Variants in TLE1 observed in about 807,000 individuals in gnomAD.
TLE1 encodes transducin-like enhancer protein 1.
TLE1 carries 21 observed loss-of-function variants against 89.8 expected under a neutral mutation model. That is an observed-to-expected ratio of 0.23 (90% CI 0.17 to 0.34). TLE1 has a LOEUF of 0.34. Among genes scored for constraint, TLE1 ranks in the 10% least tolerant of loss-of-function variants. The pLI, the probability that TLE1 is intolerant of heterozygous loss-of-function variation, is 1.00. For missense variants in TLE1, 795 were observed against 1,031.2 expected (o/e 0.77, Z 3.14); for synonymous variants, 447 against 407.6 (o/e 1.10, Z -1.16).
At chr9:81,627,084 C>T (rs1422135853) in intron 8 of TLE1, among the ~76,000 whole-genome samples, 1 of 152,032 alleles carries the variant, frequency 6.6e-6, no homozygotes, top group Non-Finnish European at 1.5e-5. Context: ...AACTAAAAAG[C>T]CATTAGGTCA....
intron 6 of TLE1, among the ~76,000 whole-genome samples, chr9:81,644,433 A>G (rs1036933891): frequency 1.3e-5 from 2 of 152,216 alleles, no homozygotes; most frequent in Non-Finnish European, 2.9e-5. Flanking sequence ...TAAACCTTGA[A>G]AACATGCTAA....
At chr9:81,687,511 G>A (rs1209913122) in intron 1 of TLE1, 77 bp from the exon 2 acceptor site, 32 of 1,072,966 alleles carry the variant, frequency 3.0e-5, no homozygotes, top group Non-Finnish European at 4.2e-5. Context: ...GAGAAGGCAA[G>A]AACGGGTGGG....
chr9:81,634,960 C>A (rs925669178), intron 6 of TLE1, among the ~76,000 whole-genome samples: 4 of 152,150 alleles, frequency 2.6e-5, no homozygotes, highest in African/African-American at 9.7e-5. Flanking sequence ...GGCACTTATG[C>A]CCCCTTATTC....
At chr9:81,683,361 A>C (rs1833860327) in intron 4 of TLE1, among the ~76,000 whole-genome samples, 1 of 152,066 alleles carries the variant, frequency 6.6e-6, no homozygotes, top group African/African-American at 2.4e-5. Context: ...GCTAATGCCC[A>C]GTTTCCCCCT....
chr9:81,662,860 T>G (rs1830991205), intron 4 of TLE1, among the ~76,000 whole-genome samples: 1 of 152,052 alleles, frequency 6.6e-6, no homozygotes, highest in South Asian at 2.1e-4. Flanking sequence ...TTGTTGTTGT[T>G]GTTTTGAGAC....
chr9:81,595,310 A>G (rs943867866), intron 14 of TLE1, among the ~76,000 whole-genome samples: 6 of 152,194 alleles, frequency 3.9e-5, no homozygotes, highest in African/African-American at 1.4e-4. Flanking sequence ...GTCATAATCA[A>G]ATAGCATTTT....
intron 6 of TLE1, among the ~76,000 whole-genome samples, chr9:81,637,625 T>C (rs192584668): frequency 1.3e-4 from 19 of 150,188 alleles, no homozygotes; most frequent in African/African-American, 4.4e-4. Context: ...CATCCATTGC[T>C]TGGCTACAAT....
intron 4 of TLE1, among the ~76,000 whole-genome samples, chr9:81,661,589 C>T (rs1024514324): frequency 1.3e-5 from 2 of 152,048 alleles, no homozygotes; most frequent in Non-Finnish European, 2.9e-5. Context: ...TTTCTTTGAA[C>T]CAAGCGGGAA....
chr9:81,615,106 AAAAAAAAAAAAAAAAGAAGAAG>A lies in TLE1; in HGVS notation c.918+854_918+875del, dbSNP rs1824272864. Reference sequence around the variant, plus strand: ...CAAAAAAAAAAAAAAAAAAAAAAAAAAAAAAAAAAAAAAAAGAAGAAGAAGAAGAAGGCAATGAACATGGATG... The same window carrying A: ...CAAAAAAAAAAAAAAAAAAAAAAAAAAAGAAGAAGGCAATGAACATGGATG... On this transcript the variant is annotated intron_variant, in intron 11 of 19. Transcript: ENST00000376499. 4.5e-5 allele frequency among the ~76,000 whole-genome samples: 6 copies of A among 134,316 alleles called. 1 individual carries two copies. Among genetic ancestry groups the A allele is most frequent in the African/African-American group, 1.9e-4 (6 of 31,272 alleles). The allele number at this position is 134,316 out of a possible 152,430, so 88.1% of individuals were successfully genotyped here. A position where few individuals can be genotyped will look rare whatever the true frequency, so the allele number is the denominator to read the frequency against.
chr9:81,654,524 G>A (rs1829930993), intron 4 of TLE1, among the ~76,000 whole-genome samples: 1 of 152,042 alleles, frequency 6.6e-6, no homozygotes, highest in Non-Finnish European at 1.5e-5. Context: ...TCTATTTTTA[G>A]TAGAGGTGGG....
At chr9:81,629,752 C>A (rs1384794921) in intron 8 of TLE1, among the ~76,000 whole-genome samples, 1 of 152,146 alleles carries the variant, frequency 6.6e-6, no homozygotes, top group Non-Finnish European at 1.5e-5. Context: ...AGCTACAACA[C>A]AATGTAAGTA....
At chr9:81,600,875 C>A (rs73650846) in intron 14 of TLE1, among the ~76,000 whole-genome samples, 3,880 of 152,180 alleles carry the variant, frequency 0.025, 188 homozygotes, top group African/African-American at 0.088. Context: ...GCAAGTGTGC[C>A]CTTCACTTGA....
At chr9:81,612,718 T>C (rs1203609813) in intron 12 of TLE1, among the ~76,000 whole-genome samples, 1 of 152,170 alleles carries the variant, frequency 6.6e-6, no homozygotes, top group Non-Finnish European at 1.5e-5. Flanking sequence ...GTGTTCAAAA[T>C]AATTATCAGA....
At chr9:81,650,438 TTC>T (rs1829401768) in intron 6 of TLE1, among the ~76,000 whole-genome samples, 1 of 152,234 alleles carries the variant, frequency 6.6e-6, no homozygotes, top group African/African-American at 2.4e-5. Context: ...TGCATATGTT[TTC>T]TTTTAATCAA....
In TLE1 at chr9:81,584,070, T is replaced by G; in HGVS notation, c.*128A>C. 2 of 793,340 alleles carry G rather than the reference T, an allele frequency of 2.5e-6. No individual in the cohort carries two copies. The highest frequency in any genetic ancestry group is 4.0e-6 in the Non-Finnish European group (2 of 494,290). The allele number at this position is 793,340 out of a possible 1,614,324, so 49.1% of individuals were successfully genotyped here. A position where few individuals can be genotyped will look rare whatever the true frequency, so the allele number is the denominator to read the frequency against. ...CTCCTCTTTGTAGACTCAAAGTAGT[T>G]TTCTGTCAAGGTTTGGAAACAGGTG... is the stretch of plus-strand genomic sequence containing the variant. On this transcript the variant is annotated 3_prime_UTR_variant, in exon 20 of 20. Coordinates refer to ENST00000376499, the MANE Select transcript of TLE1 (RefSeq NM_005077.5).
chr9:81,676,111 A>G (rs1832877621), intron 4 of TLE1, among the ~76,000 whole-genome samples: 1 of 152,154 alleles, frequency 6.6e-6, no homozygotes, highest in South Asian at 2.1e-4. Context: ...TATCCTGGGT[A>G]TTTGTGTGTA....
chr9:81,590,839 C>A lies in TLE1; in HGVS notation c.1795G>T (p.Ala599Ser), dbSNP rs1455357767. The change falls in exon 16 of 20, where the codon GCT (alanine) becomes TCT (serine). Residue 599 changes from alanine to serine, a missense_variant. By Grantham distance (99) the Ala-to-Ser change is moderately conservative (BLOSUM62 1). Coordinates refer to ENST00000376499, the MANE Select transcript of TLE1 (RefSeq NM_005077.5). The stretch of plus-strand genomic sequence containing the variant: ...GTCTGGTTGTGCAGATCCCACACAG[C>A]GATGTTGCCGTCGCTGCAGCATGAG... ...CFSCCSDGNIAVWDLHNQTLV... is the reference protein window; with the variant it reads ...CFSCCSDGNISVWDLHNQTLV... The A allele has an allele frequency of 3.7e-6, 6 of 1,614,074 alleles. No homozygotes were observed. Among genetic ancestry groups the A allele is most frequent in the Non-Finnish European group, 5.1e-6 (6 of 1,180,044 alleles).
chr9:81,596,422 T>C (rs1830221056), intron 14 of TLE1, among the ~76,000 whole-genome samples: 1 of 152,028 alleles, frequency 6.6e-6, no homozygotes, highest in Non-Finnish European at 1.5e-5. Context: ...GATGGGCCTT[T>C]AGGAGGGATC....
chr9:81,662,001 C>T lies in TLE1; in HGVS notation c.235-7965G>A, dbSNP rs139193408. Among the ~76,000 whole-genome samples the T allele has an allele frequency of 2.6e-5, 4 of 152,194 alleles. No homozygotes were observed. The East Asian group carries it at 5.8e-4, about 22-fold the overall frequency. On this transcript the variant is annotated intron_variant, in intron 4 of 19. Transcript: ENST00000376499. ...TCAAGAGCATGAAATTATTCAAACC[C>T]GTTGGTAAGGCTTCCCACAGCTAAG...
Sources: allele counts gnomAD v4.1 joint callset (sites outside exome capture counted in the v4.1 genomes callset), GRCh38; gene constraint gnomAD v4.1.1; transcripts MANE v1.5; gene names NCBI Gene and HGNC (gene_info 2026-07-23, HGNC 2026-07-21).